The following GRM8 variants were observed in gnomAD, a reference collection of about 807,000 sequenced individuals.
GRM8 encodes glutamate metabotropic receptor 8, also known as metabotropic glutamate receptor 8.
GRM8 carries 47 observed loss-of-function variants against 87.2 expected under a neutral mutation model. The observed-to-expected ratio is 0.54, with a 90% CI of 0.43 to 0.69. The LOEUF (loss-of-function observed/expected upper bound fraction) is 0.69. Among genes scored for constraint, GRM8 ranks in the 30% least tolerant of loss-of-function variants. The pLI is 0.00. For synonymous variants in GRM8, 396 were observed against 404.5 expected (o/e 0.98, Z 0.25); for missense variants, 1,019 against 1,139.2 (o/e 0.89, Z 1.52).
intron 6 of GRM8, among the ~76,000 whole-genome samples, chr7:126,791,312 G>A (rs997313273): frequency 1.3e-5 from 2 of 152,098 alleles, no homozygotes; most frequent in Non-Finnish European, 2.9e-5. Flanking sequence ...CCTTTATTTT[G>A]TGACTTGCTT....
rs566726904 is a variant in GRM8, at chr7:127,208,310, C to T, written c.510+34385G>A. Reference sequence around the variant, plus strand: ...CACTTCATGATTATTCATAGCTCCTCCTGTAACCTATTGAATATGTATACT... The same window carrying T: ...CACTTCATGATTATTCATAGCTCCTTCTGTAACCTATTGAATATGTATACT... On this transcript the variant is annotated intron_variant, in intron 2 of 10. Coordinates refer to ENST00000339582, the MANE Select transcript of GRM8 (RefSeq NM_000845.3). 1.8e-4 allele frequency among the ~76,000 whole-genome samples: 27 copies of T among 152,294 alleles called. No homozygotes were observed. In the East Asian group the frequency reaches 4.4e-3, roughly 25 times the overall value.
intron 2 of GRM8, among the ~76,000 whole-genome samples, chr7:127,202,135 C>T (rs530814349): frequency 7.0e-4 from 106 of 152,030 alleles, no homozygotes; most frequent in African/African-American, 2.5e-3. Flanking sequence ...TCAGTTCTAC[C>T]TTATATTATA....
intron 2 of GRM8, among the ~76,000 whole-genome samples, chr7:127,237,472 A>T (rs540543713): frequency 1.2e-4 from 19 of 152,352 alleles, no homozygotes; most frequent in African/African-American, 4.1e-4. Flanking sequence ...TGGTTGCTAC[A>T]ATTGGTGGAG....
At chr7:127,158,597 C>T (rs568474842) in intron 2 of GRM8, among the ~76,000 whole-genome samples, 1 of 152,342 alleles carries the variant, frequency 6.6e-6, no homozygotes, top group South Asian at 2.1e-4. Context: ...TCAAAGATGG[C>T]ACCTTGCTAA....
At chr7:127,073,094 G>T (rs1821888100) in intron 3 of GRM8, among the ~76,000 whole-genome samples, 1 of 152,286 alleles carries the variant, frequency 6.6e-6, no homozygotes, top group Non-Finnish European at 1.5e-5. Context: ...GCTGTAGGAA[G>T]AACGCCTTCC....
At chr7:126,872,814 A>C (rs139743778) in intron 6 of GRM8, among the ~76,000 whole-genome samples, 1 of 152,102 alleles carries the variant, frequency 6.6e-6, no homozygotes, top group Non-Finnish European at 1.5e-5. Context: ...TTCATCATCG[A>C]AGAAAATAAA....
intron 2 of GRM8, among the ~76,000 whole-genome samples, chr7:127,197,029 G>C (rs1025240441): frequency 2.0e-5 from 3 of 152,160 alleles, no homozygotes; most frequent in African/African-American, 4.8e-5. Flanking sequence ...CCATCTTGAA[G>C]AGTTCTTGAT....
intron 2 of GRM8, among the ~76,000 whole-genome samples, chr7:127,125,854 G>A (rs1218205358): frequency 6.8e-6 from 1 of 147,858 alleles, no homozygotes; most frequent in African/African-American, 2.5e-5. Context: ...ATATACAAAG[G>A]GCCAACAGAC....
chr7:126,498,996 T>C (rs1809213453), intron 9 of GRM8, among the ~76,000 whole-genome samples: 1 of 151,990 alleles, frequency 6.6e-6, no homozygotes, highest in African/African-American at 2.4e-5. Flanking sequence ...TTACTAGATA[T>C]GTAACATTTT....
Position 126,544,421 on chromosome 7 carries a change from C to T in GRM8, c.1495-10534G>A, listed in dbSNP as rs1816894589. On this transcript the variant is annotated intron_variant, in intron 8 of 10. Transcript: ENST00000339582. Reference sequence around the variant, plus strand: ...TATGTCATCCGCAGCTTCAGAGAAGCTAATTTTGAGGAGACTAAGTACCCT... The same window carrying T: ...TATGTCATCCGCAGCTTCAGAGAAGTTAATTTTGAGGAGACTAAGTACCCT... 3.3e-5 allele frequency among the ~76,000 whole-genome samples: 5 copies of T among 152,170 alleles called. 1 individual carries two copies. The South Asian group carries it at 1.0e-3, about 32-fold the overall frequency.
chr7:126,806,677 C>T (rs529431139), intron 6 of GRM8, among the ~76,000 whole-genome samples: 8 of 152,266 alleles, frequency 5.3e-5, no homozygotes, highest in Non-Finnish European at 1.0e-4. Context: ...GAAACCCAGC[C>T]GGCTTCACCT....
At chr7:126,735,680 T>C (rs542937029) in intron 7 of GRM8, among the ~76,000 whole-genome samples, 2 of 152,220 alleles carry the variant, frequency 1.3e-5, no homozygotes, top group South Asian at 4.2e-4. Context: ...AAAAGCTATT[T>C]ACTATTGTAA....
chr7:126,966,446 C>A (rs1204585), intron 3 of GRM8, among the ~76,000 whole-genome samples: 116,080 of 152,056 alleles, frequency 0.76, 44,606 homozygotes, highest in East Asian at 0.97. Context: ...GAGATTTCCT[C>A]AAGTTGTTTG....
chr7:126,979,484 T>G (rs576718920), intron 3 of GRM8, among the ~76,000 whole-genome samples: 2 of 152,342 alleles, frequency 1.3e-5, no homozygotes, highest in South Asian at 4.1e-4. Flanking sequence ...TGTGAATTCC[T>G]GGGTGTCTTG....
chr7:126,771,333 T>G (rs566539445), intron 6 of GRM8, among the ~76,000 whole-genome samples: 28 of 152,142 alleles, frequency 1.8e-4, no homozygotes, highest in South Asian at 6.2e-4. Context: ...CCTCTGGTCT[T>G]AATCACTTGT....
rs111258496 is a variant in GRM8 at position 126,455,848 on chromosome 7, G to A, written c.2431-9476C>T. Among the ~76,000 whole-genome samples, 1,055 of 151,616 alleles carry A rather than the reference G, an allele frequency of 7.0e-3. 11 individuals carry two copies. Among genetic ancestry groups the A allele is most frequent in the African/African-American group, 0.023 (950 of 41,420 alleles). On this transcript the variant is annotated intron_variant, in intron 9 of 10. Transcript: ENST00000339582. ...GGCGAAGGTGGATTCAAATACAGAT[G>A]AACTGACAACCAAGAATTAGCAAAT... is the stretch of plus-strand genomic sequence containing the variant.
chr7:126,601,796 A>T (rs1248286099), intron 8 of GRM8, among the ~76,000 whole-genome samples: 13 of 143,004 alleles, frequency 9.1e-5, no homozygotes, highest in Admixed American at 1.4e-4. Flanking sequence ...TTTTTCTTGT[A>T]AATTTGTTTG....
chr7:126,739,239 T>C (rs960713875), intron 7 of GRM8, among the ~76,000 whole-genome samples: 2 of 151,790 alleles, frequency 1.3e-5, no homozygotes, highest in African/African-American at 2.4e-5. Context: ...CAAGCAGAAA[T>C]AAGGTCTTTT....
chr7:126,572,397 TGATA>T (rs1794759511), intron 8 of GRM8, among the ~76,000 whole-genome samples: 1 of 152,180 alleles, frequency 6.6e-6, no homozygotes, highest in Non-Finnish European at 1.5e-5. Context: ...ATTCCAATGC[TGATA>T]GATAGACATG....
Sources: allele counts gnomAD v4.1 joint callset (sites outside exome capture counted in the v4.1 genomes callset), GRCh38; gene constraint gnomAD v4.1.1; transcripts MANE v1.5; gene names NCBI Gene and HGNC (gene_info 2026-07-23, HGNC 2026-07-21).